Variants in SLC29A1 observed in about 807,000 individuals in gnomAD.
SLC29A1 encodes equilibrative nucleoside transporter 1.
In SLC29A1, 22 loss-of-function variants were observed where a neutral mutation model predicts 48.3. That is an observed-to-expected ratio of 0.46 (90% CI 0.33 to 0.65). The LOEUF (loss-of-function observed/expected upper bound fraction) is 0.65. SLC29A1 is among the 30% of genes least tolerant of loss of function. SLC29A1 has a pLI of 0.03. For synonymous variants in SLC29A1, 228 were observed against 231.0 expected, an observed-to-expected ratio of 0.99 and a Z score of 0.12; for missense variants, 491 against 575.3, an observed-to-expected ratio of 0.85 and a Z score of 1.50.
intron 1 of SLC29A1, chr6:44,224,103 A>ACT: frequency 3.3e-6 from 1 of 305,906 alleles, no homozygotes; most frequent in Non-Finnish European, 4.8e-6. Flanking sequence ...TACTGGCTAA[A>ACT]CTCGTATCCC....
In SLC29A1 at chr6:44,232,798, T is replaced by G; in HGVS notation, c.1060-9T>G. On this transcript the variant is annotated splice_polypyrimidine_tract_variant and intron_variant, in intron 11 of 12. Coordinates refer to ENST00000371755, the MANE Select transcript of SLC29A1 (RefSeq NM_001372327.1). The surrounding 1 kb of genome is among the most constrained non-coding windows in gnomAD (Gnocchi z 4.7). ...CGGCCTGGGCTGAGGCCCTGCCTGG[T>G]GCCCACAGCCTGGGAAGGACAGCCG... 1 of 1,608,276 alleles carries G rather than the reference T, an allele frequency of 6.2e-7. No individual in the cohort carries two copies. The highest frequency in any genetic ancestry group is 1.8e-4 in the Middle Eastern group (1 of 5,622).
At chr6:44,230,093 A>C (rs764887387) in intron 5 of SLC29A1, 47 bp downstream of exon 5, 1 of 1,595,860 alleles carries the variant, frequency 6.3e-7, no homozygotes, top group Non-Finnish European at 8.5e-7. Context: ...ATGCCCAACT[A>C]CCCCCACTCT....
In SLC29A1 at chr6:44,232,257, T is replaced by C. The variant is rs761068236; in HGVS notation, c.974-86T>C. 3 of 1,171,876 alleles carry C rather than the reference T, an allele frequency of 2.6e-6. No individual in the cohort carries two copies. Among genetic ancestry groups the C allele is most frequent in the East Asian group, 2.3e-5 (1 of 42,840 alleles). 72.6% of individuals were successfully genotyped at this position (1,171,876 alleles called of 1,614,324 possible). The stretch of plus-strand genomic sequence containing the variant: ...TGGAAGCATCTTCTCCATTTTACTG[T>C]TGGGGAAGCTGAGGCCCAGTGAAGG... On this transcript the variant is annotated intron_variant, in intron 10 of 12. Coordinates refer to ENST00000371755, the MANE Select transcript of SLC29A1 (RefSeq NM_001372327.1). The surrounding 1 kb of genome is among the most constrained non-coding windows in gnomAD (Gnocchi z 4.7).
upstream of SLC29A1, chr6:44,219,651 G>C: frequency 8.0e-7 from 1 of 1,253,228 alleles, no homozygotes; most frequent in South Asian, 1.3e-5. Context: ...GGTCAGGCCC[G>C]GCGCGGGCTG....
chr6:44,221,036 T>C (rs1031589323), upstream of SLC29A1, among the ~76,000 whole-genome samples: 3 of 152,016 alleles, frequency 2.0e-5, no homozygotes, highest in Non-Finnish European at 2.9e-5. The surrounding 1 kb of genome is among the most constrained non-coding windows in gnomAD (Gnocchi z 4.2). Context: ...CGAGCCACCA[T>C]GCCTGGCTAA....
chr6:44,233,434 A>G lies in SLC29A1; in HGVS notation c.1277A>G (p.Glu426Gly). The change falls in exon 13 of 13, where the codon GAG becomes GGG. Residue 426 changes from glutamate to glycine, a missense_variant. Physicochemically the swap from Glu to Gly is moderately conservative, Grantham distance 98 (BLOSUM62 -2). Transcript: ENST00000371755. ...CCGCTTAGGAAAGTGAAGCCAGCTG[A>G]GGCAGAGACCGCAGGAGCCATCATG... ...CFGPKKVKPAEAETAGAIMAF... is the reference protein window; with the variant it reads ...CFGPKKVKPAGAETAGAIMAF... The G allele has an allele frequency of 6.2e-7, 1 of 1,613,940 alleles. No individual in the cohort carries two copies. Among genetic ancestry groups the G allele is most frequent in the Non-Finnish European group, 8.5e-7 (1 of 1,179,844 alleles).
chr6:44,222,268 T>TGGGGGGGGGG (rs1582921881), upstream of SLC29A1, among the ~76,000 whole-genome samples: 1 of 17,598 alleles, frequency 5.7e-5, no homozygotes. Flanking sequence ...GGGATGGGGG[T>TGGGGGGGGGG]GGGGTGGGGG....
At chr6:44,223,513 G>T, upstream of SLC29A1, 2 of 1,072,114 alleles carry the variant, frequency 1.9e-6, no homozygotes, top group East Asian at 1.1e-4. This position sits in a 1 kb window ranked among gnomAD's most constrained non-coding sequence, Gnocchi z 5.0. Context: ...CGCGGGCGTC[G>T]GGGAGGTGGC....
At chr6:44,224,744 C>G (rs527347501) in intron 1 of SLC29A1, among the ~76,000 whole-genome samples, 5 of 152,136 alleles carry the variant, frequency 3.3e-5, no homozygotes, top group Admixed American at 6.5e-5. Flanking sequence ...TGTTGGGAGT[C>G]TGGAGGCAGG....
chr6:44,227,187 C>A (rs976603684), intron 1 of SLC29A1, 76 bp from the exon 2 acceptor site: 7 of 1,472,132 alleles, frequency 4.8e-6, no homozygotes, highest in African/African-American at 1.4e-5. Flanking sequence ...CAGCCCTGCC[C>A]CCTCTCCCCC....
rs542664259 is a variant in SLC29A1, at chr6:44,232,492, G to A, written c.1059+64G>A. ...TAAGAGTCCAGCCTGGACCCAGAGA[G>A]GGAACCCAAGAAAGTATGGTAGTAA... On this transcript the variant is annotated intron_variant, in intron 11 of 12. Transcript: ENST00000371755. The surrounding 1 kb of genome is among the most constrained non-coding windows in gnomAD (Gnocchi z 4.7). The A allele has an allele frequency of 1.8e-6, 2 of 1,083,592 alleles. No homozygotes were observed. Among genetic ancestry groups the A allele is most frequent in the South Asian group, 2.6e-5 (2 of 75,618 alleles). 67.1% of individuals were successfully genotyped at this position (1,083,592 alleles called of 1,614,324 possible).
chr6:44,223,571 GC>G, upstream of SLC29A1: 1 of 1,209,984 alleles, frequency 8.3e-7, no homozygotes. This position sits in a 1 kb window ranked among gnomAD's most constrained non-coding sequence, Gnocchi z 5.0. Context: ...GTTTGAATGT[GC>G]CCCGGCGGGA....
In SLC29A1 at chr6:44,232,671, T is replaced by C; in HGVS notation, c.1060-136T>C. ...CTCCAGAAGGCTCCACCATGCCCCT[T>C]TCAAGAGTAACCCCCTAAGGAGAAC... On this transcript the variant is annotated intron_variant, in intron 11 of 12. Transcript: ENST00000371755. This position sits in a 1 kb window ranked among gnomAD's most constrained non-coding sequence, Gnocchi z 4.7. 1 of 812,584 alleles carries C rather than the reference T, an allele frequency of 1.2e-6. No homozygotes were observed. Among genetic ancestry groups the C allele is most frequent in the Non-Finnish European group, 2.0e-6 (1 of 503,302 alleles). The allele number at this position is 812,584 out of a possible 1,614,324, so 50.3% of individuals were successfully genotyped here.
chr6:44,221,601 C>T, upstream of SLC29A1: 1 of 1,287,974 alleles, frequency 7.8e-7, no homozygotes, highest in Non-Finnish European at 1.0e-6. The surrounding 1 kb of genome is among the most constrained non-coding windows in gnomAD (Gnocchi z 4.2). Context: ...TGAGGGAGCT[C>T]AGGGAGGGAG....
chr6:44,232,445 G>A lies in SLC29A1; in HGVS notation c.1059+17G>A. On this transcript the variant is annotated intron_variant, in intron 11 of 12. Coordinates refer to ENST00000371755, the MANE Select transcript of SLC29A1 (RefSeq NM_001372327.1). This position sits in a 1 kb window ranked among gnomAD's most constrained non-coding sequence, Gnocchi z 4.7. ...TTCATGTGGGTAAGTGGAGGAAGAG[G>A]GCCCCAGGCCCCTGTGGGAAGTAAG... 1.3e-6 allele frequency: 2 copies of A among 1,552,430 alleles called. No individual in the cohort carries two copies. Among genetic ancestry groups the A allele is most frequent in the Non-Finnish European group, 1.8e-6 (2 of 1,125,716 alleles).
chr6:44,230,905 G>C lies in SLC29A1; in HGVS notation c.766+16G>C, dbSNP rs1381484053. On this transcript the variant is annotated intron_variant, in intron 8 of 12. Coordinates refer to ENST00000371755, the MANE Select transcript of SLC29A1 (RefSeq NM_001372327.1). ...ATTAGCAAAGGTCCGAAGAGCCTGA[G>C]GAAGCTGGGGTGGAGGATGGTATAC... is the stretch of plus-strand genomic sequence containing the variant. The C allele has an allele frequency of 6.2e-7, 1 of 1,603,824 alleles. No individual in the cohort carries two copies.
intron 8 of SLC29A1, 22 bp from the exon 9 acceptor site, chr6:44,231,342 G>C (rs767330106): frequency 8.1e-6 from 12 of 1,487,890 alleles, no homozygotes; most frequent in Non-Finnish European, 1.0e-5. Context: ...CCCACAACTT[G>C]GAGATTTCTT....
chr6:44,219,805 G>T (rs1404865436), upstream of SLC29A1: 23 of 1,154,244 alleles, frequency 2.0e-5, no homozygotes, highest in Non-Finnish European at 2.6e-5. Context: ...GGGCCGGGGG[G>T]CCTGGCGGGG....
At chr6:44,226,781 G>T in intron 1 of SLC29A1, 1 of 1,006,082 alleles carries the variant, frequency 9.9e-7, no homozygotes, top group Non-Finnish European at 1.2e-6. Flanking sequence ...AGCTGCTGCA[G>T]ATCTGCCTGT....
Sources: allele counts gnomAD v4.1 joint callset (sites outside exome capture counted in the v4.1 genomes callset), GRCh38; gene constraint gnomAD v4.1.1; non-coding constraint Gnocchi (gnomAD v3.1); transcripts MANE v1.5; gene names NCBI Gene and HGNC (gene_info 2026-07-23, HGNC 2026-07-21).